LASP1: variants seen among roughly 807,000 people sequenced by gnomAD.
The protein encoded by LASP1 is LIM and SH3 protein 1.
A neutral mutation model predicts 38.6 loss-of-function variants in LASP1; 10 were observed. The ratio of observed to expected loss-of-function variants is 0.26; its 90% CI spans 0.16 to 0.44. The LOEUF is 0.44. Among genes scored for constraint, LASP1 ranks in the 20% least tolerant of loss-of-function variants. The probability of loss-of-function intolerance (pLI) is 1.00; values close to 1 mark genes in which losing one functional copy is unlikely to be tolerated. For synonymous variants in LASP1, 132 were observed against 140.8 expected (o/e 0.94, Z 0.44); for missense variants, 243 against 375.7 (o/e 0.65, Z 2.92).
intron 2 of LASP1, among the ~76,000 whole-genome samples, chr17:38,888,454 T>G (rs1347006508): frequency 6.6e-6 from 1 of 152,148 alleles, no homozygotes; most frequent in Non-Finnish European, 1.5e-5. Flanking sequence ...ATTTTTGTAT[T>G]TTTAATAGAA....
chr17:38,915,336 T>A, intron 6 of LASP1, 190 bp downstream of exon 6: 1 of 524,766 alleles, frequency 1.9e-6, no homozygotes, highest in South Asian at 2.4e-5. Flanking sequence ...ACTGGGGCCC[T>A]GCGTTCCAGC....
chr17:38,887,790 C>T (rs1479143841), intron 2 of LASP1, among the ~76,000 whole-genome samples: 1 of 152,186 alleles, frequency 6.6e-6, no homozygotes, highest in Non-Finnish European at 1.5e-5. Flanking sequence ...ATTGAGGTCT[C>T]CAAATCCTGA....
intron 3 of LASP1, 34 bp from the exon 4 acceptor site, chr17:38,898,378 C>T: frequency 6.7e-7 from 1 of 1,494,950 alleles, no homozygotes; most frequent in Non-Finnish European, 9.1e-7. Context: ...CGGCTCCTGG[C>T]CTGACTCCAA....
At chr17:38,871,276 C>T (rs1913602108) in intron 1 of LASP1, among the ~76,000 whole-genome samples, 1 of 151,824 alleles carries the variant, frequency 6.6e-6, no homozygotes, top group Admixed American at 6.6e-5. Flanking sequence ...CTGGGTGTTT[C>T]CCGTACAGTT....
chr17:38,888,846 T>C (rs1265250572), intron 2 of LASP1, among the ~76,000 whole-genome samples: 1 of 151,082 alleles, frequency 6.6e-6, no homozygotes, highest in Admixed American at 6.6e-5. Context: ...AGGGTTGCCG[T>C]GGCTTCGGCT....
At chr17:38,891,657 G>A (rs925642840) in intron 3 of LASP1, among the ~76,000 whole-genome samples, 1 of 152,184 alleles carries the variant, frequency 6.6e-6, no homozygotes, top group African/African-American at 2.4e-5. Context: ...CTGTGCAGCT[G>A]TAGCATCACT....
intron 2 of LASP1, 124 bp from the exon 3 acceptor site, chr17:38,890,295 TG>T: frequency 3.8e-6 from 3 of 792,874 alleles, no homozygotes; most frequent in Non-Finnish European, 6.2e-6. Context: ...AGTCCTCCTG[TG>T]GGGCCGGGCC....
At chr17:38,884,449 G>A (rs930451233) in intron 2 of LASP1, among the ~76,000 whole-genome samples, 7 of 150,428 alleles carry the variant, frequency 4.7e-5, no homozygotes, top group African/African-American at 1.2e-4. Flanking sequence ...GTGCAATGGC[G>A]CAATCTTGGC....
chr17:38,879,627 G>GA (rs910156857), intron 2 of LASP1, among the ~76,000 whole-genome samples: 4 of 148,646 alleles, frequency 2.7e-5, no homozygotes, highest in Admixed American at 6.7e-5. Flanking sequence ...TTCACCCAGG[G>GA]AAAAAAAAAT....
chr17:38,905,808 A>G (rs1290534057), intron 4 of LASP1, among the ~76,000 whole-genome samples: 1 of 152,014 alleles, frequency 6.6e-6, no homozygotes, highest in East Asian at 1.9e-4. Flanking sequence ...CTGTATCCTA[A>G]CAGTTTGGGA....
rs1915277341 is a variant in LASP1, at chr17:38,920,791, C to T, written c.*2013C>T. 2 of 232,810 alleles carry T rather than the reference C, an allele frequency of 8.6e-6. No homozygotes were observed. Among genetic ancestry groups the T allele is most frequent in the African/African-American group, 2.2e-5 (1 of 45,306 alleles). 14.4% of individuals were successfully genotyped at this position (232,810 alleles called of 1,614,324 possible). On this transcript the variant is annotated 3_prime_UTR_variant, in exon 7 of 7. Transcript: ENST00000318008. ...TCTTATATTGGGCGATTTGGGGGCT[C>T]GGGGAGGCAGAGAATCTCTTGGGAG...
intron 2 of LASP1, among the ~76,000 whole-genome samples, chr17:38,878,491 C>T (rs1380222762): frequency 1.3e-5 from 2 of 152,138 alleles, no homozygotes; most frequent in Non-Finnish European, 2.9e-5. Flanking sequence ...GGCAGTAAGG[C>T]GAGCACGTTT....
chr17:38,882,591 T>G (rs906375091), intron 2 of LASP1, among the ~76,000 whole-genome samples: 4 of 152,186 alleles, frequency 2.6e-5, no homozygotes, highest in Non-Finnish European at 5.9e-5. Flanking sequence ...GAGCCTGCTC[T>G]TGGTGAGAGA....
intron 3 of LASP1, chr17:38,897,015 A>G: frequency 1.0e-6 from 1 of 985,468 alleles, no homozygotes; most frequent in African/African-American, 1.7e-5. Context: ...AGGGCCTCCC[A>G]CTAAGAGTCA....
rs112436484 is a variant in LASP1 at position 38,918,240 on chromosome 17, C to A, written c.613-365C>A. On this transcript the variant is annotated intron_variant, in intron 6 of 6. Transcript: ENST00000318008. The surrounding 1 kb of genome is among the most constrained non-coding windows in gnomAD (Gnocchi z 4.4). Reference sequence around the variant, plus strand: ...GCAGTTCTCCTGCCTTGGCCTCCCACAGTGCTGGGATTACAGGCGTGAGCC... The same window carrying A: ...GCAGTTCTCCTGCCTTGGCCTCCCAAAGTGCTGGGATTACAGGCGTGAGCC... Among the ~76,000 whole-genome samples the A allele has an allele frequency of 2.6e-5, 4 of 152,062 alleles. No individual in the cohort carries two copies. The highest frequency in any genetic ancestry group is 4.4e-5 in the Non-Finnish European group (3 of 68,016).
chr17:38,892,583 CA>C (rs1914364610), intron 3 of LASP1, among the ~76,000 whole-genome samples: 8 of 151,510 alleles, frequency 5.3e-5, no homozygotes, highest in Admixed American at 1.3e-4. Context: ...CACACACACA[CA>C]CACACACCCT....
At chr17:38,912,357 C>T (rs773268735) in intron 4 of LASP1, among the ~76,000 whole-genome samples, 6 of 152,122 alleles carry the variant, frequency 3.9e-5, no homozygotes, top group Non-Finnish European at 8.8e-5. Flanking sequence ...GCCGCAGGGT[C>T]AGATTGCCAC....
chr17:38,881,347 G>T (rs1453169741), intron 2 of LASP1, among the ~76,000 whole-genome samples: 1 of 152,036 alleles, frequency 6.6e-6, no homozygotes, highest in African/African-American at 2.4e-5. Context: ...AGTGATCATG[G>T]CTCACTGCAG....
intron 1 of LASP1, among the ~76,000 whole-genome samples, chr17:38,873,409 G>A (rs756287400): frequency 3.3e-5 from 5 of 152,124 alleles, no homozygotes; most frequent in Non-Finnish European, 7.4e-5. Flanking sequence ...TCTTGTAAAC[G>A]ATGCACTCCA....
Sources: allele counts gnomAD v4.1 joint callset (sites outside exome capture counted in the v4.1 genomes callset), GRCh38; gene constraint gnomAD v4.1.1; non-coding constraint Gnocchi (gnomAD v3.1); transcripts MANE v1.5; gene names NCBI Gene and HGNC (gene_info 2026-07-23, HGNC 2026-07-21).